The following TAX1BP1 variants were observed in gnomAD, a reference collection of about 807,000 sequenced individuals.
TAX1BP1 encodes the protein Tax1 binding protein 1, also known as tax1-binding protein 1.
Under a neutral mutation model 97.7 loss-of-function variants are expected in TAX1BP1, and 62 were observed. The ratio of observed to expected loss-of-function variants is 0.63; its 90% CI spans 0.52 to 0.78. The LOEUF is 0.78. TAX1BP1 is among the 30% of genes least tolerant of loss of function. The pLI is 0.00. For synonymous variants in TAX1BP1, 340 were observed against 304.2 expected (o/e 1.12, Z -1.23); for missense variants, 867 against 916.1 (o/e 0.95, Z 0.69).
chr7:27,781,256 A>G (rs1159788488), intron 5 of TAX1BP1, among the ~76,000 whole-genome samples: 3 of 152,188 alleles, frequency 2.0e-5, no homozygotes, highest in Non-Finnish European at 4.4e-5. Flanking sequence ...TACTATAGTC[A>G]TGCACCACTT....
intron 8 of TAX1BP1, among the ~76,000 whole-genome samples, chr7:27,788,455 C>T (rs946040856): frequency 6.6e-6 from 1 of 151,968 alleles, no homozygotes; most frequent in South Asian, 2.1e-4. Flanking sequence ...TGCTCCTCAC[C>T]TGCATCAGCT....
chr7:27,747,057 T>A (rs1360662948), intron 1 of TAX1BP1, among the ~76,000 whole-genome samples: 2 of 152,218 alleles, frequency 1.3e-5, no homozygotes, highest in Admixed American at 6.5e-5. Flanking sequence ...CTGTGCTTGC[T>A]CTGTAGAAAC....
chr7:27,817,061 G>A (rs778907420), intron 15 of TAX1BP1, 23 bp downstream of exon 15: 1 of 1,589,874 alleles, frequency 6.3e-7, no homozygotes, highest in Non-Finnish European at 8.5e-7. Context: ...TTCATTGTGT[G>A]AGCCTGTCCC....
chr7:27,763,265 A>G (rs1788497966), intron 3 of TAX1BP1, among the ~76,000 whole-genome samples: 2 of 152,208 alleles, frequency 1.3e-5, no homozygotes, highest in African/African-American at 2.4e-5. Flanking sequence ...TTTATTTATT[A>G]TAATCTTGTT....
At chr7:27,824,503 ATGATCG>A (rs1174453069) in intron 15 of TAX1BP1, among the ~76,000 whole-genome samples, 4 of 142,930 alleles carry the variant, frequency 2.8e-5, no homozygotes, top group Admixed American at 1.5e-4. Flanking sequence ...GCAGTGATCC[ATGATCG>A]TGCCACTGCA....
intron 2 of TAX1BP1, among the ~76,000 whole-genome samples, chr7:27,755,991 G>C (rs1210746628): frequency 6.6e-6 from 1 of 152,138 alleles, no homozygotes; most frequent in Non-Finnish European, 1.5e-5. Flanking sequence ...TGGACTAAAA[G>C]ACAAGATTTC....
At chr7:27,819,733 G>A (rs563880863) in intron 15 of TAX1BP1, among the ~76,000 whole-genome samples, 13 of 152,302 alleles carry the variant, frequency 8.5e-5, no homozygotes, top group Admixed American at 5.2e-4. Flanking sequence ...TACTGAATGT[G>A]TATTGCTTTT....
At chr7:27,776,750 A>T (rs1583694902) in intron 5 of TAX1BP1, among the ~76,000 whole-genome samples, 2 of 138,254 alleles carry the variant, frequency 1.4e-5, no homozygotes, top group Admixed American at 7.3e-5. Flanking sequence ...TTCTTCAGGG[A>T]CTCGAGTACA....
intron 1 of TAX1BP1, among the ~76,000 whole-genome samples, chr7:27,741,007 G>T (rs562477962): frequency 1.3e-5 from 2 of 152,196 alleles, no homozygotes; most frequent in African/African-American, 4.8e-5. Context: ...AAAAAATTGA[G>T]CTTAGCGTGC....
chr7:27,806,174 C>G (rs1446275067), intron 13 of TAX1BP1, among the ~76,000 whole-genome samples: 1 of 151,668 alleles, frequency 6.6e-6, no homozygotes, highest in African/African-American at 2.4e-5. Flanking sequence ...CAACCTTTGC[C>G]TCTCAGGTTC....
chr7:27,791,351 G>T lies in TAX1BP1; in HGVS notation c.1039-655G>T, dbSNP rs561732956. Among the ~76,000 whole-genome samples, 24 of 152,174 alleles carry T rather than the reference G, an allele frequency of 1.6e-4. 2 individuals carry two copies. The South Asian group carries it at 3.5e-3, about 22-fold the overall frequency. On this transcript the variant is annotated intron_variant, in intron 8 of 16. Coordinates refer to ENST00000396319, the MANE Select transcript of TAX1BP1 (RefSeq NM_006024.7). Reference sequence around the variant, plus strand: ...GTTTATAATGTTTAAATGTTATAATGTTTAAACATTAATATTAAAGGAAAT... The same window carrying T: ...GTTTATAATGTTTAAATGTTATAATTTTTAAACATTAATATTAAAGGAAAT...
upstream of TAX1BP1, chr7:27,739,823 T>G (rs1371303997): frequency 6.6e-6 from 1 of 152,234 alleles, no homozygotes. Flanking sequence ...CAGACAGGGA[T>G]ACGGTACTGT....
chr7:27,750,605 T>C (rs1787984883), intron 2 of TAX1BP1, among the ~76,000 whole-genome samples: 1 of 152,338 alleles, frequency 6.6e-6, no homozygotes, highest in South Asian at 2.1e-4. Context: ...CGACCTTCAG[T>C]GTTAGAGAGT....
intron 15 of TAX1BP1, among the ~76,000 whole-genome samples, chr7:27,823,121 A>G (rs1340987814): frequency 3.3e-5 from 5 of 152,184 alleles, no homozygotes; most frequent in Admixed American, 1.3e-4. Flanking sequence ...ATATAGTTCA[A>G]TGTTATTTCT....
intron 15 of TAX1BP1, among the ~76,000 whole-genome samples, chr7:27,817,315 G>A (rs1024073285): frequency 6.6e-6 from 1 of 152,174 alleles, no homozygotes; most frequent in African/African-American, 2.4e-5. Flanking sequence ...TCAGAATATT[G>A]TAGTTATCAG....
Position 27,758,686 on chromosome 7 carries a change from A to G in TAX1BP1, c.265+553A>G, listed in dbSNP as rs185917640. ...GGGTGAACACTGAGGATGTTATGAT[A>G]AGTTAAATAAGCCAATCACAAAAAG... On this transcript the variant is annotated intron_variant, in intron 3 of 16. Transcript: ENST00000396319. Among the ~76,000 whole-genome samples, 6 of 152,306 alleles carry G rather than the reference A, an allele frequency of 3.9e-5. No individual in the cohort carries two copies. The East Asian group carries it at 1.2e-3, about 29-fold the overall frequency.
intron 3 of TAX1BP1, among the ~76,000 whole-genome samples, chr7:27,762,842 C>T (rs1788479893): frequency 6.6e-6 from 1 of 152,124 alleles, no homozygotes; most frequent in Non-Finnish European, 1.5e-5. Flanking sequence ...GTCCCAGCTA[C>T]TTGAGAGGCT....
chr7:27,801,856 A>G (rs1375286850), intron 13 of TAX1BP1, among the ~76,000 whole-genome samples: 1 of 152,230 alleles, frequency 6.6e-6, no homozygotes, highest in Non-Finnish European at 1.5e-5. Context: ...CTGACCAGAC[A>G]AGGCAAAATG....
chr7:27,763,122 G>C (rs1788491258), intron 3 of TAX1BP1, among the ~76,000 whole-genome samples: 1 of 152,178 alleles, frequency 6.6e-6, no homozygotes, highest in Non-Finnish European at 1.5e-5. Context: ...GAATATTAGA[G>C]TTATAGAAGG....
Sources: allele counts gnomAD v4.1 joint callset (sites outside exome capture counted in the v4.1 genomes callset), GRCh38; gene constraint gnomAD v4.1.1; transcripts MANE v1.5; gene names NCBI Gene and HGNC (gene_info 2026-07-23, HGNC 2026-07-21).